Variants in BCR observed in about 807,000 individuals in gnomAD.
BCR encodes the protein breakpoint cluster region protein.
BCR carries 58 observed loss-of-function variants against 138.6 expected under a neutral mutation model. The ratio of observed to expected loss-of-function variants is 0.42; its 90% CI spans 0.34 to 0.52. The LOEUF is 0.52. BCR is among the 20% of genes least tolerant of loss of function. The pLI, the probability that BCR is intolerant of heterozygous loss-of-function variation, is 0.06. For missense variants in BCR, 1,599 were observed against 1,727.2 expected, an observed-to-expected ratio of 0.93 and a Z score of 1.32; for synonymous variants, 786 against 730.1, an observed-to-expected ratio of 1.08 and a Z score of -1.23.
intron 1 of BCR, among the ~76,000 whole-genome samples, chr22:23,236,767 G>A (rs2094554716): frequency 6.6e-6 from 1 of 152,252 alleles, no homozygotes; most frequent in Admixed American, 6.5e-5. Context: ...GGCTGGGACA[G>A]TAACTTTAGG....
At chr22:23,220,957 A>G (rs1485960192) in intron 1 of BCR, among the ~76,000 whole-genome samples, 1 of 152,074 alleles carries the variant, frequency 6.6e-6, no homozygotes, top group African/African-American at 2.4e-5. Context: ...GCCTCTTGGT[A>G]TCTTTGAAGC....
intron 1 of BCR, among the ~76,000 whole-genome samples, chr22:23,218,690 C>A (rs2072785687): frequency 6.6e-6 from 1 of 152,242 alleles, no homozygotes; most frequent in Admixed American, 6.5e-5. Flanking sequence ...ACTGGACAGG[C>A]ATGGACCTGT....
chr22:23,257,226 A>T (rs1404104274), intron 2 of BCR, among the ~76,000 whole-genome samples: 1 of 152,172 alleles, frequency 6.6e-6, no homozygotes, highest in Non-Finnish European at 1.5e-5. Flanking sequence ...GAAGTGCCTC[A>T]TCCTGAGTCT....
chr22:23,237,851 C>T (rs957066835), intron 1 of BCR, among the ~76,000 whole-genome samples: 1 of 152,240 alleles, frequency 6.6e-6, no homozygotes, highest in African/African-American at 2.4e-5. Context: ...AAGTGGAGCC[C>T]TCAGCCTCAC....
At chr22:23,308,344 C>T (rs1236950455) in intron 16 of BCR, among the ~76,000 whole-genome samples, 6 of 151,966 alleles carry the variant, frequency 3.9e-5, no homozygotes, top group East Asian at 1.9e-4. Flanking sequence ...CTTGCTGTGT[C>T]GCCCAGGCTG....
At chr22:23,205,492 G>A (rs1433006521) in intron 1 of BCR, among the ~76,000 whole-genome samples, 1 of 152,134 alleles carries the variant, frequency 6.6e-6, no homozygotes, top group Non-Finnish European at 1.5e-5. Flanking sequence ...TTTGTGCTTT[G>A]TAAGGGGATC....
At chr22:23,204,114 C>T (rs538378646) in intron 1 of BCR, among the ~76,000 whole-genome samples, 1 of 152,192 alleles carries the variant, frequency 6.6e-6, no homozygotes, top group Non-Finnish European at 1.5e-5. Flanking sequence ...ATGGCCCCTT[C>T]TTCAGCACTG....
chr22:23,269,592 C>T lies in BCR; in HGVS notation c.1860+1077C>T, dbSNP rs547930304. 3.9e-5 allele frequency among the ~76,000 whole-genome samples: 6 copies of T among 152,348 alleles called. No homozygotes were observed. In the South Asian group the frequency reaches 1.0e-3, roughly 26 times the overall value. ...TCCAGTGGTGACAGTACCTGCCGCT[C>T]TGTTCTTCCAGAGTCTGTGGGGCAC... On this transcript the variant is annotated intron_variant, in intron 5 of 22. Coordinates refer to ENST00000305877, the MANE Select transcript of BCR (RefSeq NM_004327.4).
chr22:23,263,243 CAT>C, intron 4 of BCR: 1 of 1,048,466 alleles, frequency 9.5e-7, no homozygotes, highest in South Asian at 1.5e-5. Context: ...TGCTGCTGCA[CAT>C]GTGCTCCTAC....
chr22:23,270,607 A>G (rs964033536), intron 5 of BCR, among the ~76,000 whole-genome samples: 1 of 152,230 alleles, frequency 6.6e-6, no homozygotes, highest in Non-Finnish European at 1.5e-5. Context: ...ACCAAAGTGC[A>G]TGGCAGCGTT....
intron 14 of BCR, 82 bp from the exon 15 acceptor site, chr22:23,292,459 G>C: frequency 1.0e-6 from 1 of 989,796 alleles, no homozygotes; most frequent in Non-Finnish European, 1.5e-6. Flanking sequence ...TTCTGATTCT[G>C]CAAATAACAC....
chr22:23,252,326 C>T (rs566831467), intron 1 of BCR, among the ~76,000 whole-genome samples: 1 of 152,144 alleles, frequency 6.6e-6, no homozygotes, highest in Admixed American at 6.5e-5. Context: ...CTGTGCTCCT[C>T]ACCCCATCAG....
In BCR at chr22:23,180,692, G is replaced by A. The variant is rs1206604611; in HGVS notation, c.-269G>A. 2.0e-5 allele frequency: 3 copies of A among 150,432 alleles called. No homozygotes were observed. Among genetic ancestry groups the A allele is most frequent in the African/African-American group, 4.9e-5 (2 of 40,912 alleles). 9.3% of individuals were successfully genotyped at this position (150,432 alleles called of 1,614,324 possible). ...GCGGCCTGGCGGAGCGGAGAGCAGC[G>A]CCCGCGCCTCGCCGTGCGGAGGAGC... On this transcript the variant is annotated 5_prime_UTR_variant, in exon 1 of 23. Coordinates refer to ENST00000305877, the MANE Select transcript of BCR (RefSeq NM_004327.4).
chr22:23,201,216 C>T (rs1201044051), intron 1 of BCR, among the ~76,000 whole-genome samples: 2 of 152,200 alleles, frequency 1.3e-5, no homozygotes, highest in African/African-American at 2.4e-5. Context: ...AGAGCTGGCT[C>T]CTCTGCTTGG....
chr22:23,243,817 GT>G (rs2073125669), intron 1 of BCR, among the ~76,000 whole-genome samples: 1 of 151,790 alleles, frequency 6.6e-6, no homozygotes, highest in Non-Finnish European at 1.5e-5. Context: ...TAATTTTTGT[GT>G]TTTTAGTAGA....
intron 12 of BCR, among the ~76,000 whole-genome samples, chr22:23,288,475 A>C (rs1602107573): frequency 4.0e-5 from 5 of 124,444 alleles, no homozygotes; most frequent in Non-Finnish European, 5.0e-5. Flanking sequence ...CCCTACACAC[A>C]CCCCTGCCAT....
In BCR at chr22:23,261,350, T is replaced by A. The variant is rs2073353777; in HGVS notation, c.1567-5T>A. Reference sequence around the variant, plus strand: ...CTGTGCTACCTCACTTGTGCCCTCTTCCAGCCCATGAAGCCTTTGAAAGCC... The same window carrying A: ...CTGTGCTACCTCACTTGTGCCCTCTACCAGCCCATGAAGCCTTTGAAAGCC... On this transcript the variant is annotated splice_region_variant and splice_polypyrimidine_tract_variant and intron_variant, in intron 3 of 22. Transcript: ENST00000305877. 5 of 1,610,746 alleles carry A rather than the reference T, an allele frequency of 3.1e-6. No homozygotes were observed. Among genetic ancestry groups the A allele is most frequent in the Non-Finnish European group, 4.2e-6 (5 of 1,178,214 alleles).
At chr22:23,226,794 G>C (rs1433894657) in intron 1 of BCR, among the ~76,000 whole-genome samples, 1 of 152,172 alleles carries the variant, frequency 6.6e-6, no homozygotes, top group African/African-American at 2.4e-5. Context: ...CCCTGCTTTA[G>C]GATAAAACAG....
intron 16 of BCR, among the ~76,000 whole-genome samples, chr22:23,305,764 C>G (rs769236869): frequency 6.6e-6 from 1 of 152,190 alleles, no homozygotes; most frequent in Non-Finnish European, 1.5e-5. Flanking sequence ...CTCCTGAGAC[C>G]ACTGCATGTG....
Sources: gnomAD v4.1 joint callset for allele counts (sites outside exome capture counted in the v4.1 genomes callset) on GRCh38, gnomAD v4.1.1 for gene constraint, MANE v1.5 for transcripts, NCBI Gene and HGNC (gene_info 2026-07-23, HGNC 2026-07-21) for gene names.